The following UVRAG variants were observed in gnomAD, a reference collection of about 807,000 sequenced individuals.
The protein encoded by UVRAG is UV radiation resistance associated, also known as UV radiation resistance-associated gene protein.
Under a neutral mutation model 78.0 loss-of-function variants are expected in UVRAG, and 19 were observed. The ratio of observed to expected loss-of-function variants is 0.24; its 90% confidence interval spans 0.17 to 0.36. The LOEUF (loss-of-function observed/expected upper bound fraction) is 0.36. UVRAG is among the 10% of genes least tolerant of loss of function. The pLI, the probability that UVRAG is intolerant of heterozygous loss-of-function variation, is 1.00. For missense variants in UVRAG, 740 were observed against 853.8 expected (o/e 0.87, Z 1.66); for synonymous variants, 323 against 324.6 (o/e 1.00, Z 0.05).
At chr11:76,046,394 G>C (rs900935504) in intron 12 of UVRAG, among the ~76,000 whole-genome samples, 2 of 152,138 alleles carry the variant, frequency 1.3e-5, no homozygotes, top group Admixed American at 6.6e-5. Context: ...AACTGAAAGA[G>C]GATTTAACCA....
At chr11:75,820,357 C>CT (rs113444522) in intron 1 of UVRAG, among the ~76,000 whole-genome samples, 61,507 of 143,424 alleles carry the variant, frequency 0.43, 14,449 homozygotes, top group Middle Eastern at 0.55. Flanking sequence ...TTCACTTATT[C>CT]TTTTTTTTTT....
In UVRAG at chr11:75,933,613, A is replaced by T. The variant is rs151220141; in HGVS notation, c.593+21574A>T. On this transcript the variant is annotated intron_variant, in intron 6 of 14. Transcript: ENST00000356136. ...TTGCAAACTACCCATCTGACAAGGG[A>T]TTAATAACCAGAATGTATAAGGAGC... is the stretch of plus-strand genomic sequence containing the variant. 4.2e-3 allele frequency among the ~76,000 whole-genome samples: 641 copies of T among 152,334 alleles called. 4 individuals are homozygous for T. The highest frequency in any genetic ancestry group is 0.015 in the African/African-American group (620 of 41,590).
At chr11:76,114,722 T>G (rs531204591) in intron 13 of UVRAG, among the ~76,000 whole-genome samples, 10 of 152,102 alleles carry the variant, frequency 6.6e-5, no homozygotes, top group African/African-American at 1.7e-4. Context: ...CAGAGAAAAA[T>G]CAGTTGAATT....
chr11:76,127,295 A>C (rs1432352056), intron 14 of UVRAG, among the ~76,000 whole-genome samples: 1 of 152,236 alleles, frequency 6.6e-6, no homozygotes, highest in Non-Finnish European at 1.5e-5. Context: ...TTCAGAGTTC[A>C]AAGAGATCAC....
intron 6 of UVRAG, among the ~76,000 whole-genome samples, chr11:75,920,833 A>T (rs1947966039): frequency 6.6e-6 from 1 of 152,210 alleles, no homozygotes; most frequent in Non-Finnish European, 1.5e-5. Flanking sequence ...ATTGGAGTTG[A>T]TACACATACT....
intron 7 of UVRAG, among the ~76,000 whole-genome samples, chr11:75,973,421 T>C (rs927025237): frequency 2.0e-5 from 3 of 152,218 alleles, no homozygotes; most frequent in African/African-American, 7.2e-5. Flanking sequence ...TAATTATTCT[T>C]ATACATTGTT....
chr11:76,010,800 G>A (rs1053502379), intron 11 of UVRAG, among the ~76,000 whole-genome samples: 1 of 152,162 alleles, frequency 6.6e-6, no homozygotes, highest in Non-Finnish European at 1.5e-5. Context: ...GTGTGCAGCT[G>A]GAGCATAGTG....
At chr11:76,075,221 CAAT>C (rs1209774712) in intron 13 of UVRAG, among the ~76,000 whole-genome samples, 2 of 151,962 alleles carry the variant, frequency 1.3e-5, no homozygotes, top group Middle Eastern at 3.4e-3. Flanking sequence ...CAAAATTTGC[CAAT>C]AATAATGGTG....
At chr11:75,867,653 G>A (rs924361405) in intron 3 of UVRAG, among the ~76,000 whole-genome samples, 1 of 152,124 alleles carries the variant, frequency 6.6e-6, no homozygotes, top group Non-Finnish European at 1.5e-5. Context: ...TCTAGGAGTG[G>A]AATTGCTAGG....
intron 6 of UVRAG, among the ~76,000 whole-genome samples, chr11:75,958,078 A>G (rs1948836548): frequency 6.6e-6 from 1 of 152,244 alleles, no homozygotes; most frequent in South Asian, 2.1e-4. Flanking sequence ...AAAAATGCTA[A>G]CGATCATCTG....
At chr11:76,095,321 G>A (rs1951768756) in intron 13 of UVRAG, among the ~76,000 whole-genome samples, 1 of 151,902 alleles carries the variant, frequency 6.6e-6, no homozygotes, top group Non-Finnish European at 1.5e-5. Context: ...CTTCTGGCTT[G>A]GAATTCAACT....
chr11:75,960,207 T>C lies in UVRAG; in HGVS notation c.594-1237T>C, dbSNP rs191017474. ...TTGCCACAAACCTTCAATTTGTTTT[T>C]TTTTTTTTGTTTCTTTTTTTTAAAT... On this transcript the variant is annotated intron_variant, in intron 6 of 14. Coordinates refer to ENST00000356136, the MANE Select transcript of UVRAG (RefSeq NM_003369.4). Among the ~76,000 whole-genome samples, 28 of 152,226 alleles carry C rather than the reference T, an allele frequency of 1.8e-4. No individual in the cohort carries two copies. In the East Asian group the frequency reaches 5.2e-3, roughly 28 times the overall value.
chr11:76,098,358 GTGT>G (rs943200725), intron 13 of UVRAG, among the ~76,000 whole-genome samples: 69 of 152,228 alleles, frequency 4.5e-4, no homozygotes, highest in African/African-American at 1.5e-3. Context: ...TGTCAAGCAG[GTGT>G]TGTTATATGA....
intron 14 of UVRAG, among the ~76,000 whole-genome samples, chr11:76,134,085 C>T (rs112633972): frequency 8.4e-4 from 128 of 151,776 alleles, no homozygotes; most frequent in African/African-American, 2.7e-3. Context: ...CTCAGCCTCC[C>T]GTGCAGCTGG....
At chr11:75,884,230 CTCTCTCTCTT>C (rs1399688621) in intron 4 of UVRAG, among the ~76,000 whole-genome samples, 2 of 151,372 alleles carry the variant, frequency 1.3e-5, no homozygotes, top group African/African-American at 4.9e-5. Flanking sequence ...CTCTCTCTCT[CTCTCTCTCTT>C]TCTCTCTCTC....
chr11:75,929,583 G>A (rs994543343), intron 6 of UVRAG, among the ~76,000 whole-genome samples: 1 of 152,130 alleles, frequency 6.6e-6, no homozygotes, highest in African/African-American at 2.4e-5. Flanking sequence ...TTATTTTGGG[G>A]TGTATGTTGG....
intron 11 of UVRAG, among the ~76,000 whole-genome samples, chr11:76,015,306 G>A (rs376251459): frequency 4.6e-5 from 7 of 152,020 alleles, no homozygotes; most frequent in African/African-American, 9.7e-5. Flanking sequence ...GTTTGAGGTC[G>A]GCCTGGGCAA....
At chr11:75,906,628 G>A (rs58700432) in intron 5 of UVRAG, among the ~76,000 whole-genome samples, 4,355 of 152,200 alleles carry the variant, frequency 0.029, 220 homozygotes, top group African/African-American at 0.1. Flanking sequence ...GATTACAGGC[G>A]CGAGCCACCG....
intron 14 of UVRAG, chr11:76,137,307 A>G (rs1166207657): frequency 6.6e-6 from 3 of 455,120 alleles, no homozygotes; most frequent in Admixed American, 2.4e-5. Context: ...AACCCACGCC[A>G]GGCTTACCTC....
Sources: gnomAD v4.1 joint callset for allele counts (sites outside exome capture counted in the v4.1 genomes callset) on GRCh38, gnomAD v4.1.1 for gene constraint, MANE v1.5 for transcripts, NCBI Gene and HGNC (gene_info 2026-07-23, HGNC 2026-07-21) for gene names.